The following EIF4G3 variants were observed in gnomAD, a reference collection of about 807,000 sequenced individuals.
EIF4G3 encodes the protein eukaryotic translation initiation factor 4 gamma 3.
Under a neutral mutation model 186.4 loss-of-function variants are expected in EIF4G3, and 34 were observed. The observed-to-expected ratio is 0.18, with a 90% CI of 0.14 to 0.24. The LOEUF is 0.24. Ranked by LOEUF, EIF4G3 falls within the 10% of genes least tolerant of loss-of-function variation. The pLI is 1.00. For missense variants in EIF4G3, 1,536 were observed against 1,948.5 expected, an observed-to-expected ratio of 0.79 and a Z score of 3.99; for synonymous variants, 673 against 679.5, an observed-to-expected ratio of 0.99 and a Z score of 0.15.
At chr1:21,026,262 T>C (rs1245175850) in intron 4 of EIF4G3, among the ~76,000 whole-genome samples, 2 of 152,182 alleles carry the variant, frequency 1.3e-5, no homozygotes, top group African/African-American at 4.8e-5. Flanking sequence ...TTCAAACGAT[T>C]TTTGAAAAGG....
In EIF4G3 at chr1:21,089,166, G is replaced by C. The variant is rs1400657126; in HGVS notation, c.-224C>G. 4 of 717,444 alleles carry C rather than the reference G, an allele frequency of 5.6e-6. No homozygotes were observed. The highest frequency in any genetic ancestry group is 7.8e-6 in the Non-Finnish European group (3 of 385,076). The allele number at this position is 717,444 out of a possible 1,614,324, so 44.4% of individuals were successfully genotyped here. A position where few individuals can be genotyped will look rare whatever the true frequency, so the allele number is the denominator to read the frequency against. Reference sequence around the variant, plus strand: ...GCTGTAGACTGCTGAGACAGCGGGAGTGAAGATTCGATCCTCAAGAGGTTG... The same window carrying C: ...GCTGTAGACTGCTGAGACAGCGGGACTGAAGATTCGATCCTCAAGAGGTTG... On this transcript the variant is annotated 5_prime_UTR_variant, in exon 3 of 37. Coordinates refer to ENST00000602326, the MANE Select transcript of EIF4G3 (RefSeq NM_001391906.1).
Position 20,941,965 on chromosome 1 carries a change from T to C in EIF4G3, c.1189A>G (p.Ser397Gly), listed in dbSNP as rs1433659264. ...NDDDICKKPC[S>G]VAPNDIPLVS... The stretch of plus-strand genomic sequence containing the variant: ...AGTGGAATATCATTAGGTGCTACAC[T>C]ACAGGGTTTCTTGCATATATCATCA... The change falls in exon 14 of 37, where the codon AGT (serine) becomes GGT (glycine). Residue 397 changes from serine (S) to glycine (G), a missense_variant. Physicochemically the swap from Ser to Gly is moderately conservative, Grantham distance 56 (BLOSUM62 0). Transcript: ENST00000602326. 2.5e-6 allele frequency: 4 copies of C among 1,614,086 alleles called. No individual in the cohort carries two copies.
chr1:20,975,354 C>A (rs1470276458), intron 10 of EIF4G3, among the ~76,000 whole-genome samples: 3 of 150,728 alleles, frequency 2.0e-5, no homozygotes, highest in Admixed American at 6.6e-5. Flanking sequence ...GAAATAAGAT[C>A]CAAAAGGTGA....
Position 20,807,471 on chromosome 1 carries a change from A to G in EIF4G3, c.4774T>C (p.Tyr1592His). ...TCCTCGGAGATCACCTCCTCGTCAT[A>G]TAGACAATCAAAAAACATCCGCAGC... ...NLLRMFFDCL[Y>H]DEEVISEDAF... The change falls in exon 37 of 37, where the codon TAT becomes CAT. Residue 1592 changes from tyrosine (Y) to histidine (H), a missense_variant. Transcript: ENST00000602326. 6.3e-7 allele frequency: 1 copy of G among 1,599,040 alleles called. No homozygotes were observed. Among genetic ancestry groups the G allele is most frequent in the Non-Finnish European group, 8.5e-7 (1 of 1,170,286 alleles).
At chr1:21,120,992 T>C (rs537970493) in intron 2 of EIF4G3, among the ~76,000 whole-genome samples, 1 of 152,310 alleles carries the variant, frequency 6.6e-6, no homozygotes, top group East Asian at 1.9e-4. Context: ...TGATCCTGAC[T>C]CTCTACAGCC....
chr1:20,932,115 C>G (rs1020103339), intron 14 of EIF4G3, among the ~76,000 whole-genome samples: 3 of 152,092 alleles, frequency 2.0e-5, no homozygotes, highest in Admixed American at 6.5e-5. Flanking sequence ...CTGCTTCTAC[C>G]TTGCACTTTT....
chr1:20,817,942 G>A (rs1557765774), intron 33 of EIF4G3, among the ~76,000 whole-genome samples: 1 of 151,874 alleles, frequency 6.6e-6, no homozygotes, highest in African/African-American at 2.4e-5. Context: ...TCCCAAAGAC[G>A]GGATTACAGG....
rs201842881 is a variant in EIF4G3 at position 20,840,811 on chromosome 1, C to G, written c.4061+45G>C. On this transcript the variant is annotated intron_variant, in intron 30 of 36. Coordinates refer to ENST00000602326, the MANE Select transcript of EIF4G3 (RefSeq NM_001391906.1). The stretch of plus-strand genomic sequence containing the variant: ...AAGTACTTTGAAAATTAACTGGTAC[C>G]CAAGAGCCTAGTAACTGAATACCAC... 8.3e-6 allele frequency: 13 copies of G among 1,567,968 alleles called. No homozygotes were observed. In the African/African-American group the frequency reaches 1.8e-4, roughly 21 times the overall value.
At chr1:21,093,355 C>A (rs573123493) in intron 2 of EIF4G3, among the ~76,000 whole-genome samples, 121 of 152,308 alleles carry the variant, frequency 7.9e-4, no homozygotes, top group African/African-American at 2.7e-3. Flanking sequence ...AAAAAATGCT[C>A]ATCATCACTG....
At chr1:20,886,473 C>T in intron 18 of EIF4G3, 102 bp from the exon 19 acceptor site, 2 of 1,162,250 alleles carry the variant, frequency 1.7e-6, no homozygotes, top group Non-Finnish European at 2.4e-6. Context: ...ATGCTAGATG[C>T]AAAGATTGGG....
chr1:20,897,809 G>A lies in EIF4G3; in HGVS notation c.1999+1888C>T, dbSNP rs1036297754. Among the ~76,000 whole-genome samples the A allele has an allele frequency of 4.3e-4, 65 of 151,700 alleles. 1 individual carries two copies. Among genetic ancestry groups the A allele is most frequent in the African/African-American group, 1.4e-3 (57 of 41,360 alleles). On this transcript the variant is annotated intron_variant, in intron 16 of 36. Coordinates refer to ENST00000602326, the MANE Select transcript of EIF4G3 (RefSeq NM_001391906.1). ...AATTACTGCTGTTAAATATTACAAGGGCAAAAGGTAGTTGGTCAATTATAG... is the reference window on the plus strand; with the variant it reads ...AATTACTGCTGTTAAATATTACAAGAGCAAAAGGTAGTTGGTCAATTATAG...
Position 21,123,861 on chromosome 1 carries a change from TC to T in EIF4G3, c.-271-34649del, listed in dbSNP as rs202085448. 1.6e-4 allele frequency among the ~76,000 whole-genome samples: 24 copies of T among 152,312 alleles called. No individual in the cohort carries two copies. The East Asian group carries it at 4.4e-3, about 28-fold the overall frequency. ...GAGCAGGCTTTAGATGGAAGGCATT[TC>T]TAAGAGACAGAATTGCTATGGTACA... On this transcript the variant is annotated intron_variant, in intron 2 of 36. Coordinates refer to ENST00000602326, the MANE Select transcript of EIF4G3 (RefSeq NM_001391906.1).
chr1:21,152,490 A>G (rs2097569454), intron 2 of EIF4G3, among the ~76,000 whole-genome samples: 1 of 151,338 alleles, frequency 6.6e-6, no homozygotes, highest in Non-Finnish European at 1.5e-5. Context: ...GCCCCCTTAC[A>G]GGGCCTTCAA....
At chr1:20,938,666 T>C (rs1194118420) in intron 14 of EIF4G3, among the ~76,000 whole-genome samples, 1 of 152,216 alleles carries the variant, frequency 6.6e-6, no homozygotes, top group African/African-American at 2.4e-5. Context: ...GCAAATAAAT[T>C]ATAGTCATTA....
chr1:21,145,197 C>T (rs2097417254), intron 2 of EIF4G3, among the ~76,000 whole-genome samples: 1 of 152,086 alleles, frequency 6.6e-6, no homozygotes. Context: ...ATCCTCAGTA[C>T]AACTTGTAAG....
chr1:20,965,991 C>A (rs537450299), intron 12 of EIF4G3, among the ~76,000 whole-genome samples: 1 of 152,142 alleles, frequency 6.6e-6, no homozygotes, highest in Non-Finnish European at 1.5e-5. Context: ...AAGTTTTAAA[C>A]CTCTTCCCTG....
intron 2 of EIF4G3, among the ~76,000 whole-genome samples, chr1:21,112,947 C>CTTATAAA (rs2102218466): frequency 6.6e-6 from 1 of 152,022 alleles, no homozygotes; most frequent in South Asian, 2.1e-4. Context: ...AGATAGCCAA[C>CTTATAAA]TTATAAAGAC....
At chr1:21,112,098 C>T (rs2096736550) in intron 2 of EIF4G3, among the ~76,000 whole-genome samples, 2 of 152,188 alleles carry the variant, frequency 1.3e-5, no homozygotes, top group African/African-American at 2.4e-5. Context: ...CCTCCACTTA[C>T]ACTTTTTAAT....
intron 33 of EIF4G3, among the ~76,000 whole-genome samples, chr1:20,820,043 T>C (rs533644874): frequency 2.2e-4 from 33 of 151,650 alleles, no homozygotes; most frequent in Non-Finnish European, 4.1e-4. Context: ...CCCTTCTGAG[T>C]TGGGATGGAA....
Sources: allele counts gnomAD v4.1 joint callset (sites outside exome capture counted in the v4.1 genomes callset), GRCh38; gene constraint gnomAD v4.1.1; transcripts MANE v1.5; gene names NCBI Gene and HGNC (gene_info 2026-07-23, HGNC 2026-07-21).